Variants in PHF12 observed in about 807,000 individuals in gnomAD.
PHF12 encodes the protein PHD factor 1.
A neutral mutation model predicts 99.8 loss-of-function variants in PHF12; 6 were observed. The ratio of observed to expected loss-of-function variants is 0.06; its 90% CI spans 0.03 to 0.12. PHF12 has a LOEUF of 0.12. Among genes scored for constraint, PHF12 ranks in the 10% least tolerant of loss-of-function variants. The pLI, the probability that PHF12 is intolerant of heterozygous loss-of-function variation, is 1.00. For synonymous variants in PHF12, 480 were observed against 514.9 expected, an observed-to-expected ratio of 0.93 and a Z score of 0.92; for missense variants, 954 against 1,300.1, an observed-to-expected ratio of 0.73 and a Z score of 4.09.
Position 28,950,208 on chromosome 17 carries a change from C to A in PHF12, c.105G>T (p.Glu35Asp), listed in dbSNP as rs2040784152. 2 of 1,612,676 alleles carry A rather than the reference C, an allele frequency of 1.2e-6. No homozygotes were observed. Among genetic ancestry groups the A allele is most frequent in the Non-Finnish European group, 1.7e-6 (2 of 1,179,980 alleles). The stretch of plus-strand genomic sequence containing the variant: ...CAGGCTTCCGACTGCGCTTTTCTGC[C>A]TCGTCCGTCTTGGGGGGAGCCAGCA... ...QALLAPPKTD[E>D]AEKRSRKPEK... is the part of the protein sequence containing the mutation. The change falls in exon 2 of 15, where the codon GAG (glutamate) becomes GAT (aspartate). Residue 35 changes from glutamate to aspartate, a missense_variant. Glu to Asp is a conservative substitution (Grantham distance 45). Transcript: ENST00000332830. This position sits in a 1 kb window ranked among gnomAD's most constrained non-coding sequence, Gnocchi z 5.7.
intron 7 of PHF12, among the ~76,000 whole-genome samples, chr17:28,914,671 CAAAAAAAA>C (rs61203588): frequency 1.9e-3 from 58 of 30,340 alleles, no homozygotes; most frequent in African/African-American, 4.0e-3. Flanking sequence ...GACTCCGTCT[CAAAAAAAA>C]AAAAAAAAAA....
rs1012932717 is a variant in PHF12 at position 28,949,588 on chromosome 17, T to G, written c.248+477A>C. ...CGGACTCGAGAGACACCCTCCACGA[T>G]TTTTTCTACAGCCACAAGCGCCCGG... is the stretch of plus-strand genomic sequence containing the variant. On this transcript the variant is annotated intron_variant, in intron 2 of 14. Transcript: ENST00000332830. This position sits in a 1 kb window ranked among gnomAD's most constrained non-coding sequence, Gnocchi z 4.6. 6.4e-6 allele frequency: 1 copy of G among 156,524 alleles called. No homozygotes were observed. Among genetic ancestry groups the G allele is most frequent in the African/African-American group, 2.4e-5 (1 of 41,624 alleles). The allele number at this position is 156,524 out of a possible 1,614,324, so 9.7% of individuals were successfully genotyped here. A position where few individuals can be genotyped will look rare whatever the true frequency, so the allele number is the denominator to read the frequency against.
At chr17:28,933,443 G>C (rs887694997) in intron 2 of PHF12, among the ~76,000 whole-genome samples, 4 of 152,198 alleles carry the variant, frequency 2.6e-5, no homozygotes, top group African/African-American at 9.6e-5. Flanking sequence ...AGCAGAACTG[G>C]AACCCAAATC....
intron 2 of PHF12, among the ~76,000 whole-genome samples, chr17:28,946,583 G>A (rs2040726240): frequency 6.6e-6 from 1 of 152,172 alleles, no homozygotes; most frequent in Admixed American, 6.5e-5. Flanking sequence ...CGTTCACAGT[G>A]AGGCAGACTG....
At chr17:28,909,476 G>C (rs1567947527) in intron 11 of PHF12, 1 of 153,472 alleles carries the variant, frequency 6.5e-6, no homozygotes, top group Non-Finnish European at 1.5e-5. Flanking sequence ...ATCTGAAACA[G>C]AGTTAACCAC....
At chr17:28,927,085 A>G (rs752060244) in intron 2 of PHF12, 22 bp from the exon 3 acceptor site, 3 of 1,599,876 alleles carry the variant, frequency 1.9e-6, no homozygotes, top group East Asian at 2.2e-5. Flanking sequence ...AGACAAGGGC[A>G]AGACTAAATA....
chr17:28,948,181 G>A (rs908880105), intron 2 of PHF12, among the ~76,000 whole-genome samples: 3 of 152,184 alleles, frequency 2.0e-5, no homozygotes, highest in African/African-American at 7.2e-5. Flanking sequence ...CAACATGCAT[G>A]TCAGCAATCA....
chr17:28,936,486 A>T (rs1206576897), intron 2 of PHF12, among the ~76,000 whole-genome samples: 5 of 152,246 alleles, frequency 3.3e-5, no homozygotes, highest in African/African-American at 1.2e-4. Flanking sequence ...TGTAAATAGC[A>T]TATCCATATA....
At chr17:28,921,565 G>A in intron 5 of PHF12, 123 bp downstream of exon 5, 1 of 1,258,418 alleles carries the variant, frequency 7.9e-7, no homozygotes, top group Non-Finnish European at 1.1e-6. Context: ...TAGTCTCCAT[G>A]TACTCATACT....
chr17:28,951,234 G>C lies in PHF12; in HGVS notation c.-274C>G, dbSNP rs1382943054. ...CCGGCTCCGGGGGTCAGGCCTCGGC[G>C]GGGCCTAGTCCCACAGGCTAAAGCC... On this transcript the variant is annotated 5_prime_UTR_variant, in exon 1 of 15. Coordinates refer to ENST00000332830, the MANE Select transcript of PHF12 (RefSeq NM_001033561.2). 2 of 1,331,604 alleles carry C rather than the reference G, an allele frequency of 1.5e-6. No homozygotes were observed. The highest frequency in any genetic ancestry group is 1.9e-6 in the Non-Finnish European group (2 of 1,039,464). 82.5% of individuals were successfully genotyped at this position (1,331,604 alleles called of 1,614,324 possible). A position where few individuals can be genotyped will look rare whatever the true frequency, so the allele number is the denominator to read the frequency against.
intron 2 of PHF12, among the ~76,000 whole-genome samples, chr17:28,931,754 G>T (rs1387054461): frequency 7.4e-6 from 1 of 135,516 alleles, no homozygotes; most frequent in African/African-American, 2.7e-5. Flanking sequence ...GCTAATTTTT[G>T]TTTTTTTTTT....
intron 2 of PHF12, among the ~76,000 whole-genome samples, chr17:28,935,964 G>A (rs1310148026): frequency 6.6e-6 from 1 of 152,074 alleles, no homozygotes; most frequent in Non-Finnish European, 1.5e-5. Flanking sequence ...GATTCAAATC[G>A]AAGCCCAGAG....
At chr17:28,913,750 A>G (rs2040010645) in intron 8 of PHF12, 129 bp downstream of exon 8, 2 of 1,316,442 alleles carry the variant, frequency 1.5e-6, no homozygotes, top group South Asian at 1.5e-5. Flanking sequence ...GGAATACTCA[A>G]CTCTTGAGGG....
At position 28,950,200 on chromosome 17, in the gene PHF12, T is replaced by A; in HGVS notation, c.113A>T (p.Lys38Met). 1 of 1,613,056 alleles carries A rather than the reference T, an allele frequency of 6.2e-7. No homozygotes were observed. Among genetic ancestry groups the A allele is most frequent in the Non-Finnish European group, 8.5e-7 (1 of 1,179,956 alleles). Residue 38 changes from lysine to methionine, a missense_variant, in exon 2 of 15, where the codon AAG becomes ATG. Physicochemically the swap from Lys to Met is moderately conservative, Grantham distance 95. Around this residue, in one of 8 missense-constraint regions of PHF12, gnomAD observed 66 missense variants for 69.4 expected, o/e 0.95. Transcript: ENST00000332830. The surrounding 1 kb of genome is among the most constrained non-coding windows in gnomAD (Gnocchi z 5.7). Reference protein sequence around the residue: ...LAPPKTDEAEKRSRKPEKEPR... With the variant: ...LAPPKTDEAEMRSRKPEKEPR... ...CTCCTTCTCAGGCTTCCGACTGCGCTTTTCTGCCTCGTCCGTCTTGGGGGG... is the reference window on the plus strand; with the variant it reads ...CTCCTTCTCAGGCTTCCGACTGCGCATTTCTGCCTCGTCCGTCTTGGGGGG...
At chr17:28,946,675 T>C (rs2040727861) in intron 2 of PHF12, among the ~76,000 whole-genome samples, 1 of 152,232 alleles carries the variant, frequency 6.6e-6, no homozygotes, top group Admixed American at 6.5e-5. Flanking sequence ...AATTAAGACC[T>C]ACAGCATTTG....
intron 2 of PHF12, among the ~76,000 whole-genome samples, chr17:28,948,639 T>C (rs1210419944): frequency 6.6e-6 from 1 of 152,222 alleles, no homozygotes; most frequent in South Asian, 2.1e-4. Flanking sequence ...ATCTGTCTAA[T>C]AAGTGTTCCC....
rs141809044 is a variant in PHF12, at chr17:28,913,258, G to A, written c.1313C>T (p.Ala438Val). 3.5e-5 allele frequency: 56 copies of A among 1,611,148 alleles called. No homozygotes were observed. Among genetic ancestry groups the A allele is most frequent in the Admixed American group, 3.2e-4 (19 of 59,906 alleles). ...ATGTTTCAATATGCTGCACTGGAGC[G>A]CAACAACACTACAGAGCCACTGCAA... ...EQQEWLCSVV[A>V]LQCSILKHLS... Residue 438 changes from alanine to valine, a missense_variant, in exon 9 of 15, where the codon GCG (alanine) becomes GTG (valine). Physicochemically the swap from Ala to Val is moderately conservative, Grantham distance 64 (BLOSUM62 0). Transcript: ENST00000332830.
chr17:28,913,377 C>G, intron 8 of PHF12, 100 bp from the exon 9 acceptor site: 1 of 1,497,852 alleles, frequency 6.7e-7, no homozygotes, highest in Non-Finnish European at 8.8e-7. Flanking sequence ...AAGCAGTTTC[C>G]GAGGTCCCAT....
rs1174181467 is a variant in PHF12 at position 28,905,380 on chromosome 17, AAGAGG to A, written c.*798_*802del. On this transcript the variant is annotated 3_prime_UTR_variant, in exon 15 of 15. Transcript: ENST00000332830. ...AGAGGAGGGAACCAGGGGCAGGAGG[AAGAGG>A]AGAGAAGTGGCAAGAGAACAAAAAA... 6.6e-6 allele frequency: 1 copy of A among 152,652 alleles called. No homozygotes were observed. The highest frequency in any genetic ancestry group is 1.5e-5 in the Non-Finnish European group (1 of 68,056). 9.5% of individuals were successfully genotyped at this position (152,652 alleles called of 1,614,324 possible).
Sources: gnomAD v4.1 joint callset for allele counts (sites outside exome capture counted in the v4.1 genomes callset) on GRCh38, gnomAD v4.1.1 for gene constraint, gnomAD v4.1.1 regional missense constraint, Gnocchi (gnomAD v3.1) non-coding constraint, MANE v1.5 for transcripts, NCBI Gene and HGNC (gene_info 2026-07-23, HGNC 2026-07-21) for gene names.